Variants in RGS12 observed in about 807,000 individuals in gnomAD.
RGS12 encodes regulator of G-protein signaling 12.
A neutral mutation model predicts 120.1 loss-of-function variants in RGS12; 66 were observed. The ratio of observed to expected loss-of-function variants is 0.55; its 90% CI spans 0.45 to 0.67. RGS12 has a LOEUF of 0.67. Ranked by LOEUF, RGS12 falls within the 30% of genes least tolerant of loss-of-function variation. The pLI is 0.00. For missense variants in RGS12, 1,859 were observed against 1,957.7 expected (o/e 0.95, Z 0.95); for synonymous variants, 827 against 804.7 (o/e 1.03, Z -0.47).
chr4:3,310,062 G>T (rs1438186447), intron 1 of RGS12, among the ~76,000 whole-genome samples: 1 of 146,858 alleles, frequency 6.8e-6, no homozygotes, highest in Non-Finnish European at 1.5e-5. Flanking sequence ...GAGGGGAACC[G>T]TGTGGGGGAG....
chr4:3,330,788 A>G (rs760229658), intron 2 of RGS12, among the ~76,000 whole-genome samples: 3 of 152,218 alleles, frequency 2.0e-5, no homozygotes, highest in Non-Finnish European at 4.4e-5. Flanking sequence ...CTCCTCAGGA[A>G]CCCAGGGTGC....
intron 17 of RGS12, among the ~76,000 whole-genome samples, chr4:3,432,776 G>T (rs1724447183): frequency 6.6e-6 from 1 of 152,248 alleles, no homozygotes; most frequent in African/African-American, 2.4e-5. Flanking sequence ...CCCTGGGCAG[G>T]TGGGTACCCT....
chr4:3,396,077 A>AT (rs960601349), intron 4 of RGS12, among the ~76,000 whole-genome samples: 6 of 151,556 alleles, frequency 4.0e-5, no homozygotes, highest in African/African-American at 2.4e-5. Context: ...TTGTATTGTT[A>AT]TTTTTTTTCC....
intron 2 of RGS12, among the ~76,000 whole-genome samples, chr4:3,332,800 T>G (rs1712007454): frequency 6.6e-6 from 1 of 152,246 alleles, no homozygotes; most frequent in South Asian, 2.1e-4. Context: ...TAATCTTTTC[T>G]CCTATGGTTT....
At position 3,433,054 on chromosome 4, in the gene RGS12, A is replaced by C. The variant is rs1450653429; in HGVS notation, c.4114+2099A>C. Among the ~76,000 whole-genome samples the C allele has an allele frequency of 6.6e-6, 1 of 152,224 alleles. No homozygotes were observed. The highest frequency in any genetic ancestry group is 1.9e-4 in the East Asian group (1 of 5,192). On this transcript the variant is annotated intron_variant, in intron 17 of 17. Transcript: ENST00000336727. This position sits in a 1 kb window ranked among gnomAD's most constrained non-coding sequence, Gnocchi z 4.4. ...TCTGTATTGGAGAGTTCACCTGCCC[A>C]TGGCGGCAAAGGAAACAGGCTGTGA...
intron 1 of RGS12, among the ~76,000 whole-genome samples, chr4:3,315,313 C>T (rs911893761): frequency 3.9e-5 from 6 of 152,242 alleles, no homozygotes; most frequent in African/African-American, 1.4e-4. Flanking sequence ...TGGGGGTGAT[C>T]CGCGGACCAC....
chr4:3,406,355 C>A (rs762042528), intron 4 of RGS12, among the ~76,000 whole-genome samples: 2 of 152,232 alleles, frequency 1.3e-5, no homozygotes, highest in Non-Finnish European at 2.9e-5. Flanking sequence ...CCTTCTACAG[C>A]CTTTCCAGGA....
intron 13 of RGS12, chr4:3,423,996 C>G (rs377209269): frequency 5.3e-6 from 1 of 188,830 alleles, no homozygotes; most frequent in East Asian, 1.3e-4. Flanking sequence ...CCCACTGCAC[C>G]TGCTGGGCCC....
chr4:3,351,668 G>A (rs1714368745), intron 3 of RGS12, among the ~76,000 whole-genome samples: 1 of 152,138 alleles, frequency 6.6e-6, no homozygotes, highest in Non-Finnish European at 1.5e-5. Flanking sequence ...TAACCCTGTA[G>A]TTAGTTGCAG....
intron 13 of RGS12, among the ~76,000 whole-genome samples, chr4:3,424,837 C>T (rs62275876): frequency 0.1 from 15,899 of 152,284 alleles, 1,209 homozygotes; most frequent in Non-Finnish European, 0.15. Flanking sequence ...CTGCTTCCCC[C>T]GCAGGGCCCA....
Position 3,347,775 on chromosome 4 carries a change from A to G in RGS12, c.1998+4722A>G, listed in dbSNP as rs576093517. Among the ~76,000 whole-genome samples the G allele has an allele frequency of 1.1e-4, 17 of 152,368 alleles. No individual in the cohort carries two copies. In the East Asian group the frequency reaches 2.7e-3, roughly 24 times the overall value. On this transcript the variant is annotated intron_variant, in intron 3 of 17. Coordinates refer to ENST00000336727, the MANE Select transcript of RGS12 (RefSeq NM_001394154.1). Reference sequence around the variant, plus strand: ...TAACAATGGATAAGGAAAACAGAATAGCTATGGTTTAAAATCTGGTGGAAG... The same window carrying G: ...TAACAATGGATAAGGAAAACAGAATGGCTATGGTTTAAAATCTGGTGGAAG...
At chr4:3,415,143 TGA>T (rs1379546281) in intron 6 of RGS12, among the ~76,000 whole-genome samples, 2 of 117,126 alleles carry the variant, frequency 1.7e-5, no homozygotes, top group South Asian at 2.9e-4. Flanking sequence ...GGGGCGTGTG[TGA>T]GAGGGCCGCG....
intron 1 of RGS12, among the ~76,000 whole-genome samples, chr4:3,315,141 C>T (rs932481358): frequency 6.6e-6 from 1 of 152,186 alleles, no homozygotes; most frequent in Non-Finnish European, 1.5e-5. Flanking sequence ...TGCGTGACCC[C>T]GCTGGGAGAG....
intron 4 of RGS12, among the ~76,000 whole-genome samples, chr4:3,410,589 G>T (rs915339912): frequency 6.6e-6 from 1 of 152,288 alleles, no homozygotes. Context: ...AGCAGTAGCC[G>T]GCTCTGGGCA....
At chr4:3,412,392 G>A (rs1367445727) in intron 4 of RGS12, among the ~76,000 whole-genome samples, 1 of 152,236 alleles carries the variant, frequency 6.6e-6, no homozygotes, top group Non-Finnish European at 1.5e-5. Context: ...ATAAGGTTTA[G>A]TGTCGCTTCT....
chr4:3,371,859 G>A (rs1315204385), intron 3 of RGS12, among the ~76,000 whole-genome samples: 2 of 152,198 alleles, frequency 1.3e-5, no homozygotes, highest in African/African-American at 4.8e-5. Context: ...TTGGAGTTCC[G>A]TGTGTCTCCA....
Position 3,423,662 on chromosome 4 carries a change from G to A in RGS12, c.3234+21G>A, listed in dbSNP as rs113764866. On this transcript the variant is annotated intron_variant, in intron 13 of 17. Transcript: ENST00000336727. The stretch of plus-strand genomic sequence containing the variant: ...GGCTGGTGAGTGTTGCACGGGGCCC[G>A]GGCGTCGTCACCGCAGGCACTGTCT... 222 of 1,595,384 alleles carry A rather than the reference G, an allele frequency of 1.4e-4. 1 individual carries two copies. The African/African-American group carries it at 2.3e-3, about 17-fold the overall frequency.
chr4:3,433,047 C>T lies in RGS12; in HGVS notation c.4114+2092C>T, dbSNP rs1206366436. Among the ~76,000 whole-genome samples the T allele has an allele frequency of 1.3e-5, 2 of 152,234 alleles. No homozygotes were observed. Among genetic ancestry groups the T allele is most frequent in the East Asian group, 1.9e-4 (1 of 5,198 alleles). On this transcript the variant is annotated intron_variant, in intron 17 of 17. Transcript: ENST00000336727. This position sits in a 1 kb window ranked among gnomAD's most constrained non-coding sequence, Gnocchi z 4.4. ...GGGATTCTCTGTATTGGAGAGTTCACCTGCCCATGGCGGCAAAGGAAACAG... is the reference window on the plus strand; with the variant it reads ...GGGATTCTCTGTATTGGAGAGTTCATCTGCCCATGGCGGCAAAGGAAACAG...
chr4:3,394,847 G>A (rs6825183), intron 4 of RGS12, among the ~76,000 whole-genome samples: 7,676 of 152,002 alleles, frequency 0.05, 615 homozygotes, highest in African/African-American at 0.18. Flanking sequence ...CTCACCCGAC[G>A]GCTGTTGCCT....
Sources: allele counts gnomAD v4.1 joint callset (sites outside exome capture counted in the v4.1 genomes callset), GRCh38; gene constraint gnomAD v4.1.1; non-coding constraint Gnocchi (gnomAD v3.1); transcripts MANE v1.5; gene names NCBI Gene and HGNC (gene_info 2026-07-23, HGNC 2026-07-21).